SPAG16: variants seen among roughly 807,000 people sequenced by gnomAD.
SPAG16 encodes the protein sperm associated antigen 16.
A neutral mutation model predicts 80.4 loss-of-function variants in SPAG16; 86 were observed. The ratio of observed to expected loss-of-function variants is 1.07; its 90% CI spans 0.90 to 1.28. The LOEUF (loss-of-function observed/expected upper bound fraction) is 1.28, where lower values mean the gene tolerates loss of function less well. Ranked by LOEUF, SPAG16 falls within the 50% of genes most tolerant of loss-of-function variation. The pLI is 0.00. For synonymous variants in SPAG16, 294 were observed against 265.9 expected (o/e 1.11, Z -1.03); for missense variants, 870 against 765.3 (o/e 1.14, Z -1.61).
intron 10 of SPAG16, among the ~76,000 whole-genome samples, chr2:213,670,021 A>C (rs1376928295): frequency 6.6e-6 from 1 of 150,574 alleles, no homozygotes; most frequent in East Asian, 1.9e-4. Context: ...TTTTGAGACA[A>C]GAGTTTCGCT....
At chr2:213,411,502 A>G (rs1049099159) in intron 9 of SPAG16, among the ~76,000 whole-genome samples, 1 of 152,240 alleles carries the variant, frequency 6.6e-6, no homozygotes, top group Non-Finnish European at 1.5e-5. Flanking sequence ...ACATGATATT[A>G]GCAGAAAGAG....
chr2:213,618,899 A>T (rs1012564380), intron 10 of SPAG16, among the ~76,000 whole-genome samples: 4 of 152,178 alleles, frequency 2.6e-5, no homozygotes, highest in Non-Finnish European at 5.9e-5. Flanking sequence ...ACTGTACCTT[A>T]TACAAATCAG....
chr2:213,594,019 C>T (rs987119509), intron 10 of SPAG16, among the ~76,000 whole-genome samples: 1 of 151,882 alleles, frequency 6.6e-6, no homozygotes, highest in Non-Finnish European at 1.5e-5. Context: ...TCCTGATCGG[C>T]CTGCCTCGGC....
intron 11 of SPAG16, among the ~76,000 whole-genome samples, chr2:213,906,939 C>A (rs2077457385): frequency 6.9e-6 from 1 of 144,630 alleles, no homozygotes. Context: ...TGCTTCAGGA[C>A]ATTATTCTAG....
chr2:213,694,273 T>G (rs2065069785), intron 10 of SPAG16, among the ~76,000 whole-genome samples: 1 of 152,218 alleles, frequency 6.6e-6, no homozygotes, highest in Non-Finnish European at 1.5e-5. Flanking sequence ...AACTTCAAAC[T>G]ACATTAAGCC....
At chr2:213,718,881 A>T (rs2066378834) in intron 10 of SPAG16, among the ~76,000 whole-genome samples, 1 of 152,160 alleles carries the variant, frequency 6.6e-6, no homozygotes, top group Admixed American at 6.5e-5. Context: ...ATGCGAGCAC[A>T]CGGCGCAGGA....
chr2:213,326,868 A>G (rs1463864830), intron 5 of SPAG16, among the ~76,000 whole-genome samples: 3 of 152,006 alleles, frequency 2.0e-5, no homozygotes, highest in African/African-American at 7.2e-5. Flanking sequence ...ATGGATATTC[A>G]CTTCAAAATA....
At chr2:214,322,509 C>CA (rs34616486) in intron 15 of SPAG16, among the ~76,000 whole-genome samples, 1,643 of 136,662 alleles carry the variant, frequency 0.012, 14 homozygotes, top group African/African-American at 0.028. Context: ...TCACCTTAGG[C>CA]AAAAAAAAAA....
At chr2:214,060,753 G>A (rs1397636102) in intron 13 of SPAG16, among the ~76,000 whole-genome samples, 3 of 152,130 alleles carry the variant, frequency 2.0e-5, no homozygotes, top group African/African-American at 7.2e-5. Context: ...GGGCATGGGA[G>A]TGGGACAGAG....
intron 15 of SPAG16, among the ~76,000 whole-genome samples, chr2:214,338,362 A>C (rs1184627280): frequency 1.3e-5 from 2 of 152,120 alleles, no homozygotes; most frequent in East Asian, 3.9e-4. Context: ...AAAAATATAA[A>C]AATTAGTCGG....
chr2:214,324,618 G>A (rs1416069251), intron 15 of SPAG16, among the ~76,000 whole-genome samples: 1 of 152,078 alleles, frequency 6.6e-6, no homozygotes, highest in Non-Finnish European at 1.5e-5. Flanking sequence ...TGGCATTTTG[G>A]TGACTTGCCA....
At chr2:214,257,138 A>G (rs529550438) in intron 15 of SPAG16, among the ~76,000 whole-genome samples, 24 of 152,050 alleles carry the variant, frequency 1.6e-4, no homozygotes, top group African/African-American at 5.8e-4. Flanking sequence ...ATTCTTAAGT[A>G]ATAGCATGTA....
chr2:213,562,142 A>G (rs1302513052), intron 10 of SPAG16, among the ~76,000 whole-genome samples: 2 of 152,218 alleles, frequency 1.3e-5, no homozygotes, highest in African/African-American at 4.8e-5. Context: ...ATTTTCTGCA[A>G]ATAGAAGACA....
At chr2:213,706,808 T>C (rs1449978783) in intron 10 of SPAG16, among the ~76,000 whole-genome samples, 1 of 152,234 alleles carries the variant, frequency 6.6e-6, no homozygotes, top group East Asian at 1.9e-4. Flanking sequence ...TGAAGTTTCA[T>C]GAGATTATAC....
chr2:213,308,124 G>A (rs1457185218), intron 3 of SPAG16, among the ~76,000 whole-genome samples: 1 of 149,204 alleles, frequency 6.7e-6, no homozygotes, highest in Non-Finnish European at 1.5e-5. Context: ...CAGCACTCAA[G>A]AGACGATGAT....
chr2:213,793,371 C>T (rs2070825376), intron 10 of SPAG16, among the ~76,000 whole-genome samples: 1 of 152,136 alleles, frequency 6.6e-6, no homozygotes, highest in Non-Finnish European at 1.5e-5. Context: ...CAGCTACCAT[C>T]ATACCTCTTA....
At chr2:214,108,356 T>A (rs1278208011) in intron 14 of SPAG16, 95 bp downstream of exon 14, 2 of 1,004,536 alleles carry the variant, frequency 2.0e-6, no homozygotes, top group Non-Finnish European at 3.0e-6. Context: ...GGTAAGTTAA[T>A]GAGGTGAGAA....
At chr2:213,800,107 G>A (rs928085430) in intron 10 of SPAG16, among the ~76,000 whole-genome samples, 1 of 151,992 alleles carries the variant, frequency 6.6e-6, no homozygotes, top group African/African-American at 2.4e-5. Context: ...GGAGACTATT[G>A]ACCTCCTTGT....
At chr2:213,514,830 C>T (rs2075362964) in intron 10 of SPAG16, among the ~76,000 whole-genome samples, 1 of 151,394 alleles carries the variant, frequency 6.6e-6, no homozygotes, top group African/African-American at 2.5e-5. Context: ...AATTATTATG[C>T]ATTCCTAAAA....
Sources: allele counts gnomAD v4.1 joint callset (sites outside exome capture counted in the v4.1 genomes callset), GRCh38; gene constraint gnomAD v4.1.1; transcripts MANE v1.5; gene names NCBI Gene and HGNC (gene_info 2026-07-23, HGNC 2026-07-21).